ADAMTSL3: variants seen among roughly 807,000 people sequenced by gnomAD.
The protein encoded by ADAMTSL3 is ADAMTS-like protein 3.
A neutral mutation model predicts 201.7 loss-of-function variants in ADAMTSL3; 128 were observed. That is an observed-to-expected ratio of 0.63 (90% CI 0.55 to 0.73). The LOEUF is 0.73. Among genes scored for constraint, ADAMTSL3 ranks in the 30% least tolerant of loss-of-function variants. The probability of loss-of-function intolerance (pLI) is 0.00; values close to 1 mark genes in which losing one functional copy is unlikely to be tolerated. For missense variants in ADAMTSL3, 1,990 were observed against 2,119.6 expected, an observed-to-expected ratio of 0.94 and a Z score of 1.20; for synonymous variants, 738 against 748.4, an observed-to-expected ratio of 0.99 and a Z score of 0.23.
chr15:83,982,281 T>A lies in ADAMTSL3; in HGVS notation c.2653T>A (p.Ser885Thr). The change falls in exon 21 of 30, where the codon TCA becomes ACA. Residue 885 changes from serine (S) to threonine (T), a missense_variant. Transcript: ENST00000286744. Reference sequence around the variant, plus strand: ...TTTTTTTTTTCTTGGAGAAATCAAATCAGAGATGAAGACAAAACTTGGTGA... The same window carrying A: ...TTTTTTTTTTCTTGGAGAAATCAAAACAGAGATGAAGACAAAACTTGGTGA... ...CQMPECSKIKSEMKTKLGEQG... is the reference protein window; with the variant it reads ...CQMPECSKIKTEMKTKLGEQG... 3 of 1,576,924 alleles carry A rather than the reference T, an allele frequency of 1.9e-6. No individual in the cohort carries two copies. Among genetic ancestry groups the A allele is most frequent in the Non-Finnish European group, 2.6e-6 (3 of 1,161,578 alleles).
chr15:83,811,760 T>C (rs2063702142), intron 5 of ADAMTSL3, among the ~76,000 whole-genome samples: 1 of 152,190 alleles, frequency 6.6e-6, no homozygotes, highest in African/African-American at 2.4e-5. Flanking sequence ...TTGGAATCCT[T>C]AGAGAGTCCT....
intron 4 of ADAMTSL3, among the ~76,000 whole-genome samples, chr15:83,774,187 A>C (rs2063033515): frequency 6.6e-6 from 1 of 152,180 alleles, no homozygotes; most frequent in African/African-American, 2.4e-5. Flanking sequence ...GCTTTATGGG[A>C]CAGTTTAATT....
intron 3 of ADAMTSL3, among the ~76,000 whole-genome samples, chr15:83,755,846 C>T (rs774851852): frequency 1.1e-4 from 16 of 152,038 alleles, no homozygotes; most frequent in Non-Finnish European, 1.8e-4. Context: ...TTCCACCTTC[C>T]GCCTTCCAGG....
chr15:83,982,547 T>A lies in ADAMTSL3; in HGVS notation c.2919T>A (p.Ala973=). 1 of 1,614,238 alleles carries A rather than the reference T, an allele frequency of 6.2e-7. No homozygotes were observed. Among genetic ancestry groups the A allele is most frequent in the Admixed American group, 1.7e-5 (1 of 60,028 alleles). The change falls in exon 21 of 30, where the codon GCT becomes GCA. Residue 973 remains alanine (A), a synonymous_variant. Transcript: ENST00000286744. ...GCTCACTAAAAATCCATGGTCTTGC[T>A]GCCCCCGACATCGGCGTGTACCGGT... ...KSGSLKIHGL[A]APDIGVYRCI... is the part of the protein sequence containing the mutation.
At chr15:83,921,809 C>T (rs1431602770) in intron 16 of ADAMTSL3, among the ~76,000 whole-genome samples, 4 of 152,174 alleles carry the variant, frequency 2.6e-5, no homozygotes, top group Admixed American at 6.5e-5. Flanking sequence ...CCCAGCCCCC[C>T]GAGTAGCTGG....
At chr15:83,911,864 G>C (rs148934563) in intron 15 of ADAMTSL3, among the ~76,000 whole-genome samples, 188 of 152,266 alleles carry the variant, frequency 1.2e-3, no homozygotes, top group African/African-American at 4.3e-3. Context: ...GTTTTCTGAA[G>C]TCATTTAGTA....
At chr15:83,777,625 C>T (rs1458771288) in intron 4 of ADAMTSL3, among the ~76,000 whole-genome samples, 3 of 152,022 alleles carry the variant, frequency 2.0e-5, no homozygotes, top group Non-Finnish European at 4.4e-5. Flanking sequence ...TGCAAAAAGT[C>T]AGCAACCTCG....
At chr15:83,798,949 C>T (rs2063476852) in intron 4 of ADAMTSL3, among the ~76,000 whole-genome samples, 1 of 151,920 alleles carries the variant, frequency 6.6e-6, no homozygotes, top group Non-Finnish European at 1.5e-5. Flanking sequence ...TAATAATTCA[C>T]TCATTCCTGC....
intron 2 of ADAMTSL3, among the ~76,000 whole-genome samples, chr15:83,676,545 G>C (rs1328782792): frequency 6.6e-6 from 1 of 152,150 alleles, no homozygotes; most frequent in Admixed American, 6.5e-5. Flanking sequence ...GGGCTTGGTG[G>C]TGGGCGCCTG....
At chr15:84,014,934 TTG>T (rs1049881777) in intron 24 of ADAMTSL3, among the ~76,000 whole-genome samples, 3 of 142,574 alleles carry the variant, frequency 2.1e-5, no homozygotes, top group Admixed American at 7.3e-5. Context: ...ATGTTAGTGT[TTG>T]TGTGTGTGTG....
At chr15:83,878,067 CATTGTATA>C (rs1235137575) in intron 9 of ADAMTSL3, among the ~76,000 whole-genome samples, 1 of 152,030 alleles carries the variant, frequency 6.6e-6, no homozygotes, top group Non-Finnish European at 1.5e-5. Context: ...TGTAATTCAC[CATTGTATA>C]TGATGTTTAC....
intron 7 of ADAMTSL3, among the ~76,000 whole-genome samples, chr15:83,842,138 C>T (rs1236680211): frequency 6.7e-6 from 1 of 150,298 alleles, no homozygotes; most frequent in Admixed American, 6.6e-5. Flanking sequence ...GCCCATGGTA[C>T]TGGAAAAAAT....
intron 3 of ADAMTSL3, among the ~76,000 whole-genome samples, chr15:83,736,520 A>G (rs1205839406): frequency 1.3e-5 from 2 of 152,228 alleles, no homozygotes; most frequent in African/African-American, 4.8e-5. Flanking sequence ...GGCAGTTTAT[A>G]TACATGGATA....
rs552143869 is a variant in ADAMTSL3 at position 83,748,399 on chromosome 15, A to G, written c.190-25124A>G. On this transcript the variant is annotated intron_variant, in intron 3 of 29. Transcript: ENST00000286744. ...ATGGTGGCTCATGCCTGTAATCCCT[A>G]TACTCTGGGAGGCCAAGGTGGGAGG... is the stretch of plus-strand genomic sequence containing the variant. Among the ~76,000 whole-genome samples, 6 of 152,228 alleles carry G rather than the reference A, an allele frequency of 3.9e-5. No individual in the cohort carries two copies. In the South Asian group the frequency reaches 6.2e-4, roughly 16 times the overall value.
At chr15:83,768,935 G>A (rs1411166264) in intron 3 of ADAMTSL3, among the ~76,000 whole-genome samples, 1 of 152,174 alleles carries the variant, frequency 6.6e-6, no homozygotes, top group Admixed American at 6.5e-5. Context: ...CAAAATCCAA[G>A]CGTCTTCCTG....
At chr15:83,994,258 A>G (rs2067635716) in intron 23 of ADAMTSL3, among the ~76,000 whole-genome samples, 1 of 152,238 alleles carries the variant, frequency 6.6e-6, no homozygotes, top group Admixed American at 6.5e-5. Context: ...AAGAATAAAA[A>G]CATCTTTGAA....
intron 21 of ADAMTSL3, among the ~76,000 whole-genome samples, chr15:83,985,437 T>C (rs1013312344): frequency 6.6e-6 from 1 of 152,176 alleles, no homozygotes; most frequent in African/African-American, 2.4e-5. Context: ...GTGTGGACTT[T>C]TTTGTCATAG....
chr15:83,759,214 T>C (rs1177336739), intron 3 of ADAMTSL3, among the ~76,000 whole-genome samples: 1 of 151,504 alleles, frequency 6.6e-6, no homozygotes, highest in Non-Finnish European at 1.5e-5. Context: ...TAATACTTTA[T>C]CATTTTTGAA....
In ADAMTSL3 at chr15:83,952,122, C is replaced by T. The variant is rs547628341; in HGVS notation, c.2490+9040C>T. Among the ~76,000 whole-genome samples the T allele has an allele frequency of 5.3e-5, 8 of 152,152 alleles. No homozygotes were observed. The East Asian group carries it at 1.5e-3, about 29-fold the overall frequency. ...TAAATGTCCCTCTTAGTGTTGCTTT[C>T]ACTGTATCTCATAGGTTTTGGTATG... On this transcript the variant is annotated intron_variant, in intron 19 of 29. Coordinates refer to ENST00000286744, the MANE Select transcript of ADAMTSL3 (RefSeq NM_207517.3).
Sources: gnomAD v4.1 joint callset for allele counts (sites outside exome capture counted in the v4.1 genomes callset) on GRCh38, gnomAD v4.1.1 for gene constraint, MANE v1.5 for transcripts, NCBI Gene and HGNC (gene_info 2026-07-23, HGNC 2026-07-21) for gene names.